The following ITGAD variants were observed in gnomAD, a reference collection of about 807,000 sequenced individuals.
ITGAD encodes the protein integrin subunit alpha D.
A neutral mutation model predicts 139.0 loss-of-function variants in ITGAD; 105 were observed. That is an observed-to-expected ratio of 0.76 (90% CI 0.65 to 0.89). ITGAD has a LOEUF of 0.89. ITGAD is among the 40% of genes least tolerant of loss of function. The pLI, the probability that ITGAD is intolerant of heterozygous loss-of-function variation, is 0.00. For missense variants in ITGAD, 1,384 were observed against 1,487.3 expected (o/e 0.93, Z 1.14); for synonymous variants, 569 against 598.3 (o/e 0.95, Z 0.71).
chr16:31,425,944 G>C, intron 29 of ITGAD, 71 bp from the exon 30 acceptor site: 2 of 964,708 alleles, frequency 2.1e-6, no homozygotes, highest in Non-Finnish European at 3.3e-6. Flanking sequence ...GCTTCCCACA[G>C]TGCTGAGATT....
intron 7 of ITGAD, among the ~76,000 whole-genome samples, chr16:31,406,456 G>T (rs1289021736): frequency 6.6e-6 from 1 of 152,150 alleles, no homozygotes. Context: ...GCTTGACCTT[G>T]TTTAATCTTC....
intron 10 of ITGAD, among the ~76,000 whole-genome samples, chr16:31,409,259 C>A (rs2081617343): frequency 6.6e-6 from 1 of 151,882 alleles, no homozygotes; most frequent in Admixed American, 6.6e-5. Flanking sequence ...TGTGCCACTG[C>A]ACTTCAGCCT....
rs776466128 is a variant in ITGAD, at chr16:31,414,969, C to T, written c.2261C>T (p.Ser754Leu). ...QNLRPVLAVG[S>L]QDLFTASLPF... The stretch of plus-strand genomic sequence containing the variant: ...CTGCGTCCTGTGCTGGCCGTGGGCT[C>T]ACAAGACCTCTTCACTGCTTCTGTG... The change falls in exon 18 of 30, where the codon TCA becomes TTA. Residue 754 changes from serine to leucine, a missense_variant. Transcript: ENST00000389202. The T allele has an allele frequency of 6.2e-6, 10 of 1,613,996 alleles. No individual in the cohort carries two copies. Among genetic ancestry groups the T allele is most frequent in the Non-Finnish European group, 7.6e-6 (9 of 1,180,030 alleles).
At chr16:31,425,527 G>A (rs977405000) in intron 29 of ITGAD, among the ~76,000 whole-genome samples, 2 of 152,174 alleles carry the variant, frequency 1.3e-5, no homozygotes, top group African/African-American at 4.8e-5. Flanking sequence ...GCAGATGCTC[G>A]ATATATGATA....
intron 7 of ITGAD, among the ~76,000 whole-genome samples, chr16:31,405,477 A>ATACT (rs762658336): frequency 5.9e-5 from 9 of 152,166 alleles, no homozygotes; most frequent in Non-Finnish European, 1.0e-4. Flanking sequence ...ACATCAAGGG[A>ATACT]TACTTACAAG....
chr16:31,414,317 G>A, intron 16 of ITGAD, 134 bp from the exon 17 acceptor site: 2 of 843,408 alleles, frequency 2.4e-6, no homozygotes, highest in Non-Finnish European at 3.7e-6. Flanking sequence ...TTCTTCACAT[G>A]TATCCCCAGC....
At chr16:31,410,186 G>T (rs1597134495) in intron 10 of ITGAD, among the ~76,000 whole-genome samples, 1 of 152,266 alleles carries the variant, frequency 6.6e-6, no homozygotes, top group East Asian at 1.9e-4. Context: ...TGAGCACAGC[G>T]GGGGCAGACA....
chr16:31,412,101 A>C (rs1597140923), intron 14 of ITGAD, among the ~76,000 whole-genome samples: 1 of 144,288 alleles, frequency 6.9e-6, no homozygotes. Context: ...ACAGAGTCTC[A>C]CTCTGTCGCC....
At chr16:31,422,105 ATTT>A (rs537741434) in intron 23 of ITGAD, among the ~76,000 whole-genome samples, 3 of 137,508 alleles carry the variant, frequency 2.2e-5, no homozygotes, top group Non-Finnish European at 1.6e-5. Flanking sequence ...TAATGTTTGT[ATTT>A]TTTTTTTTTT....
At position 31,403,209 on chromosome 16, in the gene ITGAD, C is replaced by T. The variant is rs1597117835; in HGVS notation, c.559-291C>T. 1 of 281,296 alleles carries T rather than the reference C, an allele frequency of 3.6e-6. No individual in the cohort carries two copies. Among genetic ancestry groups the T allele is most frequent in the East Asian group, 7.5e-5 (1 of 13,328 alleles). The allele number at this position is 281,296 out of a possible 1,614,324, so 17.4% of individuals were successfully genotyped here. ...AACAATATGGCTTGGTGTGGTGGCT[C>T]ACACCTGTAATCCCAGCACTTTGGG... is the stretch of plus-strand genomic sequence containing the variant. On this transcript the variant is annotated intron_variant, in intron 6 of 29. Transcript: ENST00000389202. The surrounding 1 kb of genome is among the most constrained non-coding windows in gnomAD (Gnocchi z 4.4).
rs28591177 is a variant in ITGAD, at chr16:31,409,069, G to A, written c.1083+571G>A. ...AGCACTTTGGGAGGCTGAGACGGGC[G>A]GATCACTTGAGGTCAGGAGTTTGAG... On this transcript the variant is annotated intron_variant, in intron 10 of 29. Transcript: ENST00000389202. Among the ~76,000 whole-genome samples the A allele has an allele frequency of 4.0e-3, 604 of 152,268 alleles. 2 individuals carry two copies. The highest frequency in any genetic ancestry group is 0.014 in the African/African-American group (567 of 41,542).
Position 31,410,458 on chromosome 16 carries a change from C to T in ITGAD, c.1147C>T (p.Pro383Ser). Residue 383 changes from proline to serine, a missense_variant, in exon 11 of 30, where the codon CCA becomes TCA. Transcript: ENST00000389202. ...SWSGGAFLYP[P>S]NMSPTFINMS... ...GTCTGGAGGTGCCTTCCTGTATCCC[C>T]CAAATATGAGCCCCACCTTCATCAA... 4 of 1,613,928 alleles carry T rather than the reference C, an allele frequency of 2.5e-6. No individual in the cohort carries two copies. The highest frequency in any genetic ancestry group is 2.2e-5 in the South Asian group (2 of 91,066).
chr16:31,426,111 A>T lies in ITGAD; in HGVS notation c.3469A>T (p.Asn1157Tyr). 6.2e-7 allele frequency: 1 copy of T among 1,610,590 alleles called. No individual in the cohort carries two copies. Residue 1157 changes from asparagine (N) to tyrosine (Y), a missense_variant, in exon 30 of 30, where the codon AAT (asparagine) becomes TAT (tyrosine). Coordinates refer to ENST00000389202, the MANE Select transcript of ITGAD (RefSeq NM_005353.3). Reference sequence around the variant, plus strand: ...GGACGATTTCAGCTGTGTGGCCCCAAATGTGCCTTTGTCCTAATAATCCAC... The same window carrying T: ...GGACGATTTCAGCTGTGTGGCCCCATATGTGCCTTTGTCCTAATAATCCAC... ...SGDDFSCVAP[N>Y]VPLS
intron 20 of ITGAD, 45 bp downstream of exon 20, chr16:31,416,691 C>A: frequency 6.4e-7 from 1 of 1,560,208 alleles, no homozygotes; most frequent in South Asian, 1.2e-5. Context: ...CTCTCCCCTG[C>A]CCTGTAGCCC....
chr16:31,408,986 C>T (rs965757884), intron 10 of ITGAD, among the ~76,000 whole-genome samples: 2 of 152,084 alleles, frequency 1.3e-5, no homozygotes, highest in South Asian at 2.1e-4. Flanking sequence ...TTTGGAAGTG[C>T]GTGTGTGTTC....
Position 31,414,790 on chromosome 16 carries a change from T to C in ITGAD, c.2152-70T>C, listed in dbSNP as rs2081840807. The C allele has an allele frequency of 7.6e-6, 12 of 1,587,046 alleles. No homozygotes were observed. In the South Asian group the frequency reaches 1.3e-4, roughly 17 times the overall value. ...CACTGTCAGGGCAGTGGGGAGTGGA[T>C]GCAGTGGAGGAGGACTTGTGGTGGA... On this transcript the variant is annotated intron_variant, in intron 17 of 29. Transcript: ENST00000389202.
intron 20 of ITGAD, among the ~76,000 whole-genome samples, chr16:31,416,994 T>TCCCC (rs2081904822): frequency 1.0e-5 from 1 of 98,544 alleles, no homozygotes; most frequent in Non-Finnish European, 2.1e-5. Context: ...TCTCTCTCCT[T>TCCCC]CCCCCCTCCC....
rs754365583 is a variant in ITGAD, at chr16:31,423,884, G to A, written c.3085G>A (p.Val1029Ile). The change falls in exon 27 of 30, where the codon GTC (valine) becomes ATC (isoleucine). Residue 1029 changes from valine to isoleucine, a missense_variant. Coordinates refer to ENST00000389202, the MANE Select transcript of ITGAD (RefSeq NM_005353.3). ...TGACTGCCTGCAGTTCCGCTGTGACGTCCCCTCCTTCAGCGTCCAGGAGGA... is the reference window on the plus strand; with the variant it reads ...TGACTGCCTGCAGTTCCGCTGTGACATCCCCTCCTTCAGCGTCCAGGAGGA... ...IADCLQFRCD[V>I]PSFSVQEELD... is the part of the protein sequence containing the mutation. The A allele has an allele frequency of 3.1e-6, 5 of 1,614,054 alleles. No homozygotes were observed. Among genetic ancestry groups the A allele is most frequent in the African/African-American group, 1.3e-5 (1 of 74,906 alleles).
Position 31,414,463 on chromosome 16 carries a change from G to A in ITGAD, c.2009G>A (p.Ser670Asn), listed in dbSNP as rs748130320. ...CCCTGCACTTCAGGTGACATCCAAA[G>A]CTCTGTCAGGTTTGATCTGGCACTG... ...SSLDQLGDIQ[S>N]SVRFDLALDP... Residue 670 changes from serine to asparagine, a missense_variant, in exon 17 of 30, where the codon AGC (serine) becomes AAC (asparagine). Physicochemically the swap from Ser to Asn is conservative, Grantham distance 46 (BLOSUM62 1). Coordinates refer to ENST00000389202, the MANE Select transcript of ITGAD (RefSeq NM_005353.3). The A allele has an allele frequency of 6.2e-7, 1 of 1,614,164 alleles. No homozygotes were observed. The highest frequency in any genetic ancestry group is 8.5e-7 in the Non-Finnish European group (1 of 1,180,006).
Sources: gnomAD v4.1 joint callset for allele counts (sites outside exome capture counted in the v4.1 genomes callset) on GRCh38, gnomAD v4.1.1 for gene constraint, Gnocchi (gnomAD v3.1) non-coding constraint, MANE v1.5 for transcripts, NCBI Gene and HGNC (gene_info 2026-07-23, HGNC 2026-07-21) for gene names.